TIMM17B: variants seen among roughly 807,000 people sequenced by gnomAD.
TIMM17B encodes the protein translocase of inner mitochondrial membrane 17B, also known as mitochondrial import inner membrane translocase subunit Tim17-B.
A neutral mutation model predicts 15.9 loss-of-function variants in TIMM17B; 10 were observed. The observed-to-expected ratio is 0.63, with a 90% CI of 0.39 to 1.06. TIMM17B has a LOEUF of 1.06. TIMM17B is among the 50% of genes least tolerant of loss of function. TIMM17B has a pLI of 0.01. For synonymous variants in TIMM17B, 57 were observed against 57.2 expected (o/e 1.00, Z 0.02); for missense variants, 114 against 152.2 (o/e 0.75, Z 1.32).
exon 2 of TIMM17B, chrX:48,897,749 T>C: frequency 8.3e-7 from 1 of 1,209,411 alleles, no homozygotes; most frequent in Non-Finnish European, 1.1e-6. Context: ...TACTCCTCCA[T>C]GGCGCTGGCG....
rs782509981 is a variant in TIMM17B, at chrX:48,894,653, A to G, written c.190+385T>C. 1.1e-4 allele frequency among the ~76,000 whole-genome samples: 12 copies of G among 111,884 alleles called. No individual in the cohort carries two copies. The East Asian group carries it at 3.3e-3, about 31-fold the overall frequency. ...CAGGACCTGTTCGAGGTGCTCTGTTATTTAACTTCTGCAATTTTAAATTAG... is the reference window on the plus strand; with the variant it reads ...CAGGACCTGTTCGAGGTGCTCTGTTGTTTAACTTCTGCAATTTTAAATTAG... On this transcript the variant is annotated intron_variant, in intron 4 of 6. Transcript: ENST00000376582.
At chrX:48,897,817 T>G in exon 2 of TIMM17B, 1 of 1,186,726 alleles carries the variant, frequency 8.4e-7, no homozygotes, top group Non-Finnish European at 1.1e-6. Context: ...GTCGGAGCTT[T>G]CCGCCTATTA....
intron 1 of TIMM17B, 84 bp from the exon 1 acceptor site, chrX:48,897,852 C>A (rs1186470585): frequency 9.2e-7 from 1 of 1,091,886 alleles, no homozygotes; most frequent in Non-Finnish European, 1.2e-6. Context: ...GGTCGCTATA[C>A]CGCATGTCAC....
rs1557039638 is a variant in TIMM17B, at chrX:48,896,909, C to CTCT, written c.27-52_27-51insAGA. 3 of 1,201,161 alleles carry CTCT rather than the reference C, an allele frequency of 2.5e-6. No individual in the cohort carries two copies. The East Asian group carries it at 9.0e-5, about 36-fold the overall frequency. On this transcript the variant is annotated intron_variant, in intron 2 of 6. Coordinates refer to ENST00000376582, the Ensembl canonical transcript of TIMM17B. ...GTTAATGTGAGCCCTCCCCCAGGTC[C>CTCT]TGTCACACGAACTCTTTTCTAACTG...
At chrX:48,896,612 C>A in intron 3 of TIMM17B, 147 bp downstream of exon 2, 1 of 1,077,742 alleles carries the variant, frequency 9.3e-7, no homozygotes, top group Non-Finnish European at 1.2e-6. Flanking sequence ...ATCCCAGATA[C>A]AGGAGCCAGG....
exon 1 of TIMM17B, chrX:48,898,140 C>T: frequency 2.0e-6 from 2 of 1,022,170 alleles, no homozygotes; most frequent in East Asian, 4.4e-5. Flanking sequence ...CCTCTGCTCC[C>T]CCATCCCAGC....
exon 4 of TIMM17B, chrX:48,895,055 C>T (rs2063301013): frequency 1.7e-6 from 2 of 1,200,828 alleles, no homozygotes; most frequent in South Asian, 1.8e-5. Flanking sequence ...CTGGGGGGCT[C>T]GGATCCTCAC....
chrX:48,895,366 A>G (rs1479490844), intron 3 of TIMM17B: 1 of 516,042 alleles, frequency 1.9e-6, no homozygotes, highest in Non-Finnish European at 3.5e-6. Context: ...TGTGCCAAGC[A>G]CCATGCCATA....
chrX:48,897,059 G>A (rs1569509498), intron 2 of TIMM17B: 1 of 910,828 alleles, frequency 1.1e-6, no homozygotes, highest in South Asian at 2.6e-5. Flanking sequence ...GGGGCAAAGG[G>A]GGAGAAATAT....
At chrX:48,895,601 A>G in intron 3 of TIMM17B, 1 of 467,390 alleles carries the variant, frequency 2.1e-6, no homozygotes, top group Non-Finnish European at 3.8e-6. Flanking sequence ...GAGGATGACA[A>G]ACTTGGGCAA....
In TIMM17B at chrX:48,895,631, C is replaced by T. The variant is rs1602311128; in HGVS notation, c.127-530G>A. 15 of 444,497 alleles carry T rather than the reference C, an allele frequency of 3.4e-5. No homozygotes were observed. The East Asian group carries it at 5.5e-4, about 16-fold the overall frequency. 36.6% of individuals were successfully genotyped at this position (444,497 alleles called of 1,213,427 possible). A position where few individuals can be genotyped will look rare whatever the true frequency, so the allele number is the denominator to read the frequency against. On this transcript the variant is annotated intron_variant, in intron 3 of 6. Transcript: ENST00000376582. Reference sequence around the variant, plus strand: ...GGGCAAAGATCCAGGGAGGAGAGTTCCAGGAGTCTAGGGGAGGGACGGGGC... The same window carrying T: ...GGGCAAAGATCCAGGGAGGAGAGTTTCAGGAGTCTAGGGGAGGGACGGGGC...
At chrX:48,898,108 T>C in exon 1 of TIMM17B, 1 of 1,018,273 alleles carries the variant, frequency 9.8e-7, no homozygotes, top group Admixed American at 4.2e-5. Context: ...GTGCACTCTT[T>C]TGGAGCTGGA....
At chrX:48,895,474 A>T (rs2063302805) in intron 3 of TIMM17B, 3 of 515,955 alleles carry the variant, frequency 5.8e-6, no homozygotes, top group Non-Finnish European at 1.0e-5. Flanking sequence ...GAGTAGATAA[A>T]CAAGGGAGCT....
intron 1 of TIMM17B, chrX:48,898,044 G>A (rs2063334798): frequency 2.9e-6 from 3 of 1,035,380 alleles, no homozygotes; most frequent in African/African-American, 3.9e-5. Flanking sequence ...AGAGAGACGG[G>A]CGGTGTGACA....
chrX:48,894,561 A>G (rs781847742), intron 4 of TIMM17B, among the ~76,000 whole-genome samples: 2 of 111,955 alleles, frequency 1.8e-5, no homozygotes, highest in East Asian at 5.6e-4. Context: ...TTTCAGTGAG[A>G]AGGAAATAGG....
At chrX:48,895,423 C>A (rs1557039322) in intron 3 of TIMM17B, 1 of 516,406 alleles carries the variant, frequency 1.9e-6, no homozygotes, top group Non-Finnish European at 3.5e-6. Context: ...TCTGCCCTCT[C>A]AGAGCTCACA....
chrX:48,896,801 G>A (rs782198010), exon 3 of TIMM17B: 19 of 1,207,885 alleles, frequency 1.6e-5, no homozygotes, highest in Middle Eastern at 2.3e-4. Flanking sequence ...GGAAGACTCC[G>A]CCACCGATGA....
At chrX:48,897,201 T>A (rs896705269) in intron 2 of TIMM17B, 85 of 283,599 alleles carry the variant, frequency 3.0e-4, no homozygotes, top group African/African-American at 2.2e-3. Context: ...CAAGACAGAC[T>A]GTCAGCAAAG....
exon 7 of TIMM17B, chrX:48,893,794 T>C: frequency 8.5e-7 from 1 of 1,177,060 alleles, no homozygotes; most frequent in Non-Finnish European, 1.1e-6. Flanking sequence ...GGCAGCTGGC[T>C]GGGGTCCTCC....
Sources: allele counts gnomAD v4.1 joint callset (sites outside exome capture counted in the v4.1 genomes callset), GRCh38; gene constraint gnomAD v4.1.1; transcripts MANE v1.5; gene names NCBI Gene and HGNC (gene_info 2026-07-23, HGNC 2026-07-21).